Variants in SLC2A2 observed in about 807,000 individuals in gnomAD.
SLC2A2 encodes solute carrier family 2, facilitated glucose transporter member 2.
In SLC2A2, 36 loss-of-function variants were observed where a neutral mutation model predicts 54.5. The observed-to-expected ratio is 0.66, with a 90% CI of 0.51 to 0.87. SLC2A2 has a LOEUF of 0.87. SLC2A2 is among the 40% of genes least tolerant of loss of function. The pLI is 0.00. For synonymous variants in SLC2A2, 223 were observed against 219.1 expected (o/e 1.02, Z -0.16); for missense variants, 543 against 624.3 (o/e 0.87, Z 1.39).
Position 170,998,356 on chromosome 3 carries a change from A to G in SLC2A2, c.1211T>C (p.Ile404Thr), listed in dbSNP as rs2229608. 7 of 1,613,592 alleles carry G rather than the reference A, an allele frequency of 4.3e-6. No individual in the cohort carries two copies. The Admixed American group carries it at 6.7e-5, about 15-fold the overall frequency. ...SWMSYVSMIA[I>T]FLFVSFFEIG... ...TTCAAAGAAGCTGACAAAGAGGAAG[A>G]TGGCTATCATGCTCACATAACTCAT... The change falls in exon 10 of 11, where the codon ATC (isoleucine) becomes ACC (threonine). Residue 404 changes from isoleucine to threonine, a missense_variant. Ile to Thr is a moderately conservative substitution (Grantham distance 89). Transcript: ENST00000314251.
At position 171,011,743 on chromosome 3, in the gene SLC2A2, A is replaced by G. The variant is rs554481618; in HGVS notation, c.372-1661T>C. Reference sequence around the variant, plus strand: ...GACTATTGTGAAATGCTTTTTATCTACACAGGGACAGAGGGCAGGCAAATT... The same window carrying G: ...GACTATTGTGAAATGCTTTTTATCTGCACAGGGACAGAGGGCAGGCAAATT... On this transcript the variant is annotated intron_variant, in intron 3 of 10. Coordinates refer to ENST00000314251, the MANE Select transcript of SLC2A2 (RefSeq NM_000340.2). 2.0e-5 allele frequency among the ~76,000 whole-genome samples: 3 copies of G among 152,230 alleles called. No homozygotes were observed. In the South Asian group the frequency reaches 6.2e-4, roughly 32 times the overall value.
Position 170,996,802 on chromosome 3 carries a change from A to G in SLC2A2, c.*1101T>C, listed in dbSNP as rs1238354915. 1 of 394,766 alleles carries G rather than the reference A, an allele frequency of 2.5e-6. No individual in the cohort carries two copies. Among genetic ancestry groups the G allele is most frequent in the African/African-American group, 2.1e-5 (1 of 48,496 alleles). The allele number at this position is 394,766 out of a possible 1,614,324, so 24.5% of individuals were successfully genotyped here. A position where few individuals can be genotyped will look rare whatever the true frequency, so the allele number is the denominator to read the frequency against. ...TATTTTATGTTAGGAACACACCATA[A>G]AACAATCAGTCTTTCCAGGAAAATT... is the stretch of plus-strand genomic sequence containing the variant. On this transcript the variant is annotated 3_prime_UTR_variant, in exon 11 of 11. Coordinates refer to ENST00000314251, the MANE Select transcript of SLC2A2 (RefSeq NM_000340.2).
In SLC2A2 at chr3:170,998,187, G is replaced by A. The variant is rs748719651; in HGVS notation, c.1374+6C>T. 6.2e-7 allele frequency: 1 copy of A among 1,613,436 alleles called. No homozygotes were observed. The highest frequency in any genetic ancestry group is 8.5e-7 in the Non-Finnish European group (1 of 1,179,630). On this transcript the variant is annotated splice_donor_region_variant and intron_variant, in intron 10 of 10. Coordinates refer to ENST00000314251, the MANE Select transcript of SLC2A2 (RefSeq NM_000340.2). ...CAGTAAATCTGTGGAATATTAGGCT[G>A]CTTACCGCAATGTACTGGAAACACA...
In SLC2A2 at chr3:171,012,567, G is replaced by T. The variant is rs959883875; in HGVS notation, c.371+1902C>A. On this transcript the variant is annotated intron_variant, in intron 3 of 10. Transcript: ENST00000314251. ...CCAAAACTATAAAATGGTGGCCACA[G>T]ACATCTGTTGACTATTACACAATTG... Among the ~76,000 whole-genome samples the T allele has an allele frequency of 3.3e-5, 5 of 152,208 alleles. No homozygotes were observed. The East Asian group carries it at 9.6e-4, about 29-fold the overall frequency.
rs991460014 is a variant in SLC2A2, at chr3:170,996,866, A to G, written c.*1037T>C. 26 of 387,260 alleles carry G rather than the reference A, an allele frequency of 6.7e-5. No homozygotes were observed. The highest frequency in any genetic ancestry group is 5.2e-4 in the African/African-American group (25 of 48,264). The allele number at this position is 387,260 out of a possible 1,614,324, so 24.0% of individuals were successfully genotyped here. On this transcript the variant is annotated 3_prime_UTR_variant, in exon 11 of 11. Coordinates refer to ENST00000314251, the MANE Select transcript of SLC2A2 (RefSeq NM_000340.2). ...GATAAAAGTCTGAAGCTGAACATTTATGAAGTTTCAGAAGCCCACACTCAG... is the reference window on the plus strand; with the variant it reads ...GATAAAAGTCTGAAGCTGAACATTTGTGAAGTTTCAGAAGCCCACACTCAG...
At position 171,009,944 on chromosome 3, in the gene SLC2A2, T is replaced by A. The variant is rs1391873339; in HGVS notation, c.496+14A>T. On this transcript the variant is annotated intron_variant, in intron 4 of 10. Transcript: ENST00000314251. The stretch of plus-strand genomic sequence containing the variant: ...GTGTGTGTGTGTGTGTGTGTGTGTG[T>A]GTGTGTGACTTACCACAATATAGTC... 6.3e-7 allele frequency: 1 copy of A among 1,581,100 alleles called. No individual in the cohort carries two copies. Among genetic ancestry groups the A allele is most frequent in the South Asian group, 1.1e-5 (1 of 88,488 alleles).
intron 4 of SLC2A2, among the ~76,000 whole-genome samples, chr3:171,008,168 A>G (rs533988004): frequency 6.6e-6 from 1 of 152,260 alleles, no homozygotes; most frequent in East Asian, 1.9e-4. Flanking sequence ...CTGCCTATCA[A>G]ATTGAAATGG....
chr3:171,005,121 T>C (rs1441494411), intron 7 of SLC2A2, among the ~76,000 whole-genome samples, 164 bp downstream of exon 7: 1 of 152,082 alleles, frequency 6.6e-6, no homozygotes, highest in Non-Finnish European at 1.5e-5. Context: ...AGAAAACTTT[T>C]GAAGCAAAAT....
intron 1 of SLC2A2, among the ~76,000 whole-genome samples, chr3:171,019,035 TTA>T (rs577036617): frequency 1.3e-5 from 2 of 149,060 alleles, no homozygotes; most frequent in Admixed American, 6.7e-5. Flanking sequence ...AAACTTTGTT[TTA>T]TATATATATA....
chr3:171,007,420 G>A, intron 4 of SLC2A2, 157 bp from the exon 5 acceptor site: 1 of 650,540 alleles, frequency 1.5e-6, no homozygotes. Context: ...AGTTTGTGCA[G>A]GAGATATTTG....
chr3:171,006,736 T>C (rs1384075751), intron 5 of SLC2A2, among the ~76,000 whole-genome samples: 3 of 152,054 alleles, frequency 2.0e-5, no homozygotes, highest in East Asian at 3.9e-4. Flanking sequence ...ATCACTTACA[T>C]ATTAGATTCC....
intron 3 of SLC2A2, 38 bp from the exon 4 acceptor site, chr3:171,010,120 C>G: frequency 6.2e-7 from 1 of 1,601,422 alleles, no homozygotes; most frequent in Non-Finnish European, 8.5e-7. Flanking sequence ...AATTCAGCAT[C>G]AAAACTTGCT....
chr3:171,015,066 G>A (rs1052293163), intron 2 of SLC2A2, among the ~76,000 whole-genome samples: 1 of 152,210 alleles, frequency 6.6e-6, no homozygotes, highest in East Asian at 1.9e-4. Context: ...CTGCAAACGT[G>A]AAACTGGTGT....
chr3:171,007,443 A>T (rs554772091), intron 4 of SLC2A2, 180 bp from the exon 5 acceptor site: 1 of 610,890 alleles, frequency 1.6e-6, no homozygotes, highest in East Asian at 2.8e-5. Context: ...ATGACCTCAT[A>T]TGCAGTTGTA....
intron 8 of SLC2A2, among the ~76,000 whole-genome samples, chr3:171,001,107 T>G (rs1363054057): frequency 6.6e-6 from 1 of 151,980 alleles, no homozygotes; most frequent in African/African-American, 2.4e-5. Context: ...AAACAACTCC[T>G]CCCACATCAG....
At chr3:171,019,451 CTCCATGT>C (rs1716352141) in intron 1 of SLC2A2, among the ~76,000 whole-genome samples, 1 of 152,068 alleles carries the variant, frequency 6.6e-6, no homozygotes, top group Non-Finnish European at 1.5e-5. Flanking sequence ...AACTCCCCAA[CTCCATGT>C]AGTTACAATG....
chr3:170,998,866 G>GCTGATATTTAAGA (rs1190755313), intron 9 of SLC2A2, among the ~76,000 whole-genome samples, 199 bp downstream of exon 9: 3 of 152,150 alleles, frequency 2.0e-5, no homozygotes, highest in African/African-American at 7.2e-5. Flanking sequence ...GAATTTACAT[G>GCTGATATTTAAGA]CTGATATTCA....
intron 5 of SLC2A2, 126 bp downstream of exon 5, chr3:171,007,022 G>A: frequency 1.4e-6 from 1 of 711,546 alleles, no homozygotes; most frequent in South Asian, 1.5e-5. Flanking sequence ...CAGTGAGAAT[G>A]GACAGTCAGG....
intron 4 of SLC2A2, among the ~76,000 whole-genome samples, chr3:171,008,696 G>A (rs1481444765): frequency 2.0e-5 from 3 of 151,748 alleles, no homozygotes; most frequent in South Asian, 4.2e-4. Context: ...ATCATAATTG[G>A]GACTTCGTTC....
Sources: gnomAD v4.1 joint callset for allele counts (sites outside exome capture counted in the v4.1 genomes callset) on GRCh38, gnomAD v4.1.1 for gene constraint, MANE v1.5 for transcripts, NCBI Gene and HGNC (gene_info 2026-07-23, HGNC 2026-07-21) for gene names.